DYDC2: variants seen among roughly 807,000 people sequenced by gnomAD.
DYDC2 encodes the protein DPY30 domain containing 2.
DYDC2 carries 19 observed loss-of-function variants against 18.7 expected under a neutral mutation model. The ratio of observed to expected loss-of-function variants is 1.02; its 90% CI spans 0.71 to 1.49. The LOEUF (loss-of-function observed/expected upper bound fraction) is 1.49, where lower values mean the gene tolerates loss of function less well. DYDC2 is among the 40% of genes most tolerant of loss of function. The pLI, the probability that DYDC2 is intolerant of heterozygous loss-of-function variation, is 0.00. For synonymous variants in DYDC2, 63 were observed against 67.6 expected, an observed-to-expected ratio of 0.93 and a Z score of 0.34; for missense variants, 179 against 205.1, an observed-to-expected ratio of 0.87 and a Z score of 0.78.
At chr10:80,347,151 C>A (rs958262516) in intron 1 of DYDC2, among the ~76,000 whole-genome samples, 1 of 151,786 alleles carries the variant, frequency 6.6e-6, no homozygotes, top group Admixed American at 6.6e-5. Context: ...TTGATTTGCA[C>A]TTCCCTGATG....
intron 4 of DYDC2, 34 bp from the exon 5 acceptor site, chr10:80,366,654 T>G (rs776635409): frequency 1.7e-5 from 26 of 1,568,740 alleles, no homozygotes; most frequent in Non-Finnish European, 2.2e-5. Context: ...TAGTCTCTAA[T>G]AATAAGTTTT....
intron 4 of DYDC2, among the ~76,000 whole-genome samples, chr10:80,364,118 T>C (rs1465055438): frequency 6.6e-6 from 1 of 152,266 alleles, no homozygotes; most frequent in Non-Finnish European, 1.5e-5. Flanking sequence ...TGCAGTCCAT[T>C]ACAATTCACC....
intron 4 of DYDC2, among the ~76,000 whole-genome samples, chr10:80,363,652 A>T (rs1461533606): frequency 6.6e-6 from 1 of 151,982 alleles, no homozygotes; most frequent in East Asian, 1.9e-4. Flanking sequence ...CCAGCCAAAA[A>T]ATCTGATTTT....
At position 80,367,239 on chromosome 10, in the gene DYDC2, G is replaced by A. The variant is rs1843864507; in HGVS notation, c.*288G>A. The A allele has an allele frequency of 3.7e-6, 1 of 269,258 alleles. No homozygotes were observed. The highest frequency in any genetic ancestry group is 6.9e-6 in the Non-Finnish European group (1 of 145,156). The allele number at this position is 269,258 out of a possible 1,614,324, so 16.7% of individuals were successfully genotyped here. A position where few individuals can be genotyped will look rare whatever the true frequency, so the allele number is the denominator to read the frequency against. On this transcript the variant is annotated 3_prime_UTR_variant, in exon 5 of 5. Transcript: ENST00000256039. ...GAAAACACATCTGTTGGGGTGATCA[G>A]ACCCAACACCCGGCCATGGGGGCTA...
At chr10:80,353,764 T>C (rs1257861705), upstream of DYDC2, among the ~76,000 whole-genome samples, 5 of 151,960 alleles carry the variant, frequency 3.3e-5, no homozygotes, top group Non-Finnish European at 4.4e-5. Flanking sequence ...TGATACCCAT[T>C]TTTCAGGTAT....
intron 3 of DYDC2, 59 bp downstream of exon 3, chr10:80,362,649 C>A: frequency 6.5e-7 from 1 of 1,540,052 alleles, no homozygotes; most frequent in South Asian, 1.3e-5. Flanking sequence ...ATTTGAAAGC[C>A]AAGACACAAG....
At chr10:80,351,378 C>A (rs942591623) in intron 1 of DYDC2, among the ~76,000 whole-genome samples, 1 of 151,220 alleles carries the variant, frequency 6.6e-6, no homozygotes, top group Non-Finnish European at 1.5e-5. Flanking sequence ...CTCACTCCTC[C>A]ACTACTGTGC....
At chr10:80,359,860 C>T (rs1564672886) in intron 2 of DYDC2, among the ~76,000 whole-genome samples, 1 of 152,190 alleles carries the variant, frequency 6.6e-6, no homozygotes, top group Non-Finnish European at 1.5e-5. Context: ...CCATTTCCCG[C>T]CCGCGCCTCT....
upstream of DYDC2, chr10:80,352,029 A>T (rs1182206076): frequency 1.9e-6 from 3 of 1,605,468 alleles, no homozygotes; most frequent in Non-Finnish European, 2.6e-6. Context: ...ACAACAGCAC[A>T]CGACTTCTTA....
chr10:80,366,756 GA>G lies in DYDC2; in HGVS notation c.341del (p.Lys114ArgfsTer4). The G allele has an allele frequency of 1.2e-6, 2 of 1,614,138 alleles. No homozygotes were observed. The highest frequency in any genetic ancestry group is 1.7e-6 in the Non-Finnish European group (2 of 1,180,000). ...FMQEDTNPLE[K>X]EALKQEFLPG... ...TGCAGGAGGACACAAACCCCCTTGA[GA>G]AGGAGGCCTTGAAGCAGGAATTCCT... On this transcript the variant is annotated frameshift_variant, in exon 5 of 5. Coordinates refer to ENST00000256039, the MANE Select transcript of DYDC2 (RefSeq NM_032372.6). LOFTEE classifies it high-confidence loss of function.
intron 1 of DYDC2, among the ~76,000 whole-genome samples, chr10:80,347,281 T>A: frequency 6.6e-5 from 1 of 15,116 alleles, no homozygotes; most frequent in Non-Finnish European, 1.0e-4. Context: ...GGATCCTTTT[T>A]TTTTTTTTTT....
chr10:80,359,898 C>T (rs1439678109), intron 2 of DYDC2, among the ~76,000 whole-genome samples: 2 of 152,180 alleles, frequency 1.3e-5, no homozygotes, highest in African/African-American at 2.4e-5. Flanking sequence ...CAAGCAGAGC[C>T]GGCTCCGGCC....
In DYDC2 at chr10:80,362,593, G is replaced by C. The variant is rs1245433151; in HGVS notation, c.147+3G>C. The C allele has an allele frequency of 1.2e-6, 2 of 1,606,300 alleles. No individual in the cohort carries two copies. The highest frequency in any genetic ancestry group is 1.7e-6 in the Non-Finnish European group (2 of 1,173,970). On this transcript the variant is annotated splice_donor_region_variant and intron_variant, in intron 3 of 4. Transcript: ENST00000256039. ...AAACAGCAAAAGCAAAAGAAGAGGTGTGTATGTGCACTGGGACTTAGGGAG... is the reference window on the plus strand; with the variant it reads ...AAACAGCAAAAGCAAAAGAAGAGGTCTGTATGTGCACTGGGACTTAGGGAG...
intron 2 of DYDC2, among the ~76,000 whole-genome samples, chr10:80,359,447 C>T (rs117311251): frequency 0.07 from 10,645 of 152,256 alleles, 366 homozygotes; most frequent in Middle Eastern, 0.11. Context: ...TAGTGGATCC[C>T]GCATCAGGGC....
At chr10:80,348,236 C>T (rs971997063) in intron 1 of DYDC2, among the ~76,000 whole-genome samples, 1 of 152,016 alleles carries the variant, frequency 6.6e-6, no homozygotes, top group Non-Finnish European at 1.5e-5. Flanking sequence ...AGATTGTTTT[C>T]TTGGTTTCTT....
At chr10:80,358,666 T>C (rs7085863) in intron 2 of DYDC2, among the ~76,000 whole-genome samples, 10,630 of 152,238 alleles carry the variant, frequency 0.07, 366 homozygotes, top group Middle Eastern at 0.11. Context: ...AGTAGATTGG[T>C]AACTACAGGT....
intron 1 of DYDC2, 35 bp from the exon 2 acceptor site, chr10:80,357,858 A>T (rs1843483137): frequency 3.0e-6 from 3 of 985,358 alleles, no homozygotes; most frequent in Non-Finnish European, 3.6e-6. Context: ...AGGTGGCAGA[A>T]CTCTCTCAAT....
upstream of DYDC2, among the ~76,000 whole-genome samples, chr10:80,353,891 T>C (rs139657901): frequency 0.015 from 2,223 of 152,214 alleles, 47 homozygotes; most frequent in African/African-American, 0.051. Flanking sequence ...TTTGAAACCA[T>C]GTTAGTTGTA....
At chr10:80,350,486 A>G (rs1018124460) in intron 1 of DYDC2, among the ~76,000 whole-genome samples, 3 of 152,172 alleles carry the variant, frequency 2.0e-5, no homozygotes, top group African/African-American at 7.2e-5. Context: ...TTTGGATGAC[A>G]GTTGACACCC....
Sources: allele counts gnomAD v4.1 joint callset (sites outside exome capture counted in the v4.1 genomes callset), GRCh38; gene constraint gnomAD v4.1.1; transcripts MANE v1.5; gene names NCBI Gene and HGNC (gene_info 2026-07-23, HGNC 2026-07-21).